DHRSX: variants seen among roughly 807,000 people sequenced by gnomAD.
The protein encoded by DHRSX is dehydrogenase/reductase X-linked.
Under a neutral mutation model 34.0 loss-of-function variants are expected in DHRSX, and 31 were observed. The ratio of observed to expected loss-of-function variants is 0.91; its 90% CI spans 0.69 to 1.23. DHRSX has a LOEUF of 1.23. Ranked by LOEUF, DHRSX falls within the 50% of genes most tolerant of loss-of-function variation. The pLI, the probability that DHRSX is intolerant of heterozygous loss-of-function variation, is 0.00. For missense variants in DHRSX, 414 were observed against 428.1 expected (o/e 0.97, Z 0.29); for synonymous variants, 201 against 183.8 (o/e 1.09, Z -0.76).
chrX:2,454,851 G>A (rs574540573), intron 1 of DHRSX, among the ~76,000 whole-genome samples: 14 of 152,070 alleles, frequency 9.2e-5, no homozygotes, highest in African/African-American at 2.9e-4. Context: ...GGTGGCTCAC[G>A]CCTGTAATCT....
intron 1 of DHRSX, among the ~76,000 whole-genome samples, chrX:2,480,218 T>C (rs958885509): frequency 3.3e-5 from 5 of 151,032 alleles, no homozygotes; most frequent in African/African-American, 9.7e-5. Context: ...TGCAGCAACA[T>C]GGATGGGACT....
chrX:2,487,982 T>C (rs1288019989), intron 1 of DHRSX: 3 of 151,856 alleles, frequency 2.0e-5, no homozygotes, highest in Admixed American at 1.3e-4. Flanking sequence ...AGAATGTTCC[T>C]GCGTTTCTTC....
chrX:2,247,417 G>A (rs1430265051), intron 5 of DHRSX, among the ~76,000 whole-genome samples: 1 of 151,924 alleles, frequency 6.6e-6, no homozygotes, highest in Non-Finnish European at 1.5e-5. Flanking sequence ...CACTTTGGGA[G>A]GCCGAGATGG....
chrX:2,346,150 C>T (rs764308655), intron 3 of DHRSX, among the ~76,000 whole-genome samples: 2 of 152,102 alleles, frequency 1.3e-5, no homozygotes, highest in Non-Finnish European at 2.9e-5. Context: ...AAATTTAACT[C>T]AAATACATGT....
At chrX:2,482,712 T>C (rs1333578175) in intron 1 of DHRSX, among the ~76,000 whole-genome samples, 1 of 152,258 alleles carries the variant, frequency 6.6e-6, no homozygotes, top group African/African-American at 2.4e-5. Context: ...ATTTAAATTC[T>C]AGAAATCCTG....
chrX:2,404,947 G>C (rs2043533234), intron 3 of DHRSX, among the ~76,000 whole-genome samples: 1 of 152,238 alleles, frequency 6.6e-6, no homozygotes, highest in African/African-American at 2.4e-5. Context: ...GATCTGGCCA[G>C]GCTGCTGCCA....
At chrX:2,285,812 G>T (rs772257439) in intron 4 of DHRSX, among the ~76,000 whole-genome samples, 3 of 152,190 alleles carry the variant, frequency 2.0e-5, no homozygotes, top group African/African-American at 7.2e-5. Flanking sequence ...CAACGAAGAA[G>T]AATTCTGATG....
chrX:2,263,403 G>A (rs1018020037), intron 5 of DHRSX, among the ~76,000 whole-genome samples: 1 of 152,070 alleles, frequency 6.6e-6, no homozygotes, highest in Non-Finnish European at 1.5e-5. Context: ...CCAGGAAGCG[G>A]GTTCTCGCCA....
At chrX:2,274,896 A>G (rs2041604665) in intron 4 of DHRSX, among the ~76,000 whole-genome samples, 2 of 152,078 alleles carry the variant, frequency 1.3e-5, no homozygotes, top group South Asian at 2.1e-4. Flanking sequence ...TCCTCTTCCT[A>G]TGTAAGCAGA....
chrX:2,256,550 C>T (rs746613665), intron 5 of DHRSX, among the ~76,000 whole-genome samples: 33 of 152,282 alleles, frequency 2.2e-4, no homozygotes, highest in African/African-American at 7.9e-4. Flanking sequence ...CCCGCCTCGG[C>T]CTCCCAAAGT....
At chrX:2,324,481 T>C (rs2042352478) in intron 3 of DHRSX, among the ~76,000 whole-genome samples, 1 of 152,134 alleles carries the variant, frequency 6.6e-6, no homozygotes, top group African/African-American at 2.4e-5. Flanking sequence ...CCTTGGATTT[T>C]GTGTGCACGT....
In DHRSX at chrX:2,262,708, C is replaced by T. The variant is rs777728819; in HGVS notation, c.596+4032G>A. On this transcript the variant is annotated intron_variant, in intron 5 of 6. Transcript: ENST00000334651. ...CTCACCCGCCCTTCCCTGCACAGCC[C>T]GGTGCTTCTTCAGCTGCCCGGAGAA... Among the ~76,000 whole-genome samples the T allele has an allele frequency of 2.0e-4, 30 of 152,332 alleles. No individual in the cohort carries two copies. The South Asian group carries it at 2.9e-3, about 15-fold the overall frequency.
chrX:2,273,726 A>G (rs2041587688), intron 4 of DHRSX, among the ~76,000 whole-genome samples: 1 of 152,152 alleles, frequency 6.6e-6, no homozygotes, highest in Non-Finnish European at 1.5e-5. Context: ...CAGAACATGC[A>G]GTATTTGGTT....
Position 2,366,440 on chromosome X carries a change from CA to C in DHRSX, c.286+42304del, listed in dbSNP as rs754305983. Among the ~76,000 whole-genome samples, 383 of 129,726 alleles carry C rather than the reference CA, an allele frequency of 3.0e-3. 1 individual carries two copies. Among genetic ancestry groups the C allele is most frequent in the Non-Finnish European group, 4.3e-3 (258 of 60,104 alleles). The allele number at this position is 129,726 out of a possible 152,430, so 85.1% of individuals were successfully genotyped here. On this transcript the variant is annotated intron_variant, in intron 3 of 6. Coordinates refer to ENST00000334651, the MANE Select transcript of DHRSX (RefSeq NM_145177.3). Reference sequence around the variant, plus strand: ...GGGCAACAAGAGCGAAACTCAGTCTCAAAAAAAAAAAGAAAAGAAAAGAAAA... The same window carrying C: ...GGGCAACAAGAGCGAAACTCAGTCTCAAAAAAAAAAGAAAAGAAAAGAAAA...
intron 1 of DHRSX, among the ~76,000 whole-genome samples, chrX:2,428,928 A>G (rs1419441285): frequency 1.3e-5 from 2 of 152,188 alleles, no homozygotes; most frequent in African/African-American, 4.8e-5. Context: ...AGGAGGCTTC[A>G]ACATATAATC....
chrX:2,307,822 A>G (rs2042118460), intron 3 of DHRSX, among the ~76,000 whole-genome samples: 1 of 151,886 alleles, frequency 6.6e-6, no homozygotes, highest in African/African-American at 2.4e-5. Flanking sequence ...AGGAAAAACA[A>G]AAGAGTATGA....
chrX:2,228,874 G>C (rs1011090734), intron 6 of DHRSX, among the ~76,000 whole-genome samples: 2 of 152,126 alleles, frequency 1.3e-5, no homozygotes, highest in African/African-American at 4.8e-5. Context: ...CTTTGCAGAA[G>C]AGACACACAC....
chrX:2,485,034 C>T (rs1277578385), intron 1 of DHRSX, among the ~76,000 whole-genome samples: 1 of 152,188 alleles, frequency 6.6e-6, no homozygotes, highest in Non-Finnish European at 1.5e-5. Flanking sequence ...CAGTTCGAAG[C>T]AGGCAATTCT....
intron 1 of DHRSX, among the ~76,000 whole-genome samples, chrX:2,485,299 A>AG (rs2044860525): frequency 6.6e-6 from 1 of 152,068 alleles, no homozygotes; most frequent in Non-Finnish European, 1.5e-5. Flanking sequence ...CTTAGTTATG[A>AG]GGACTGAAAA....
Sources: gnomAD v4.1 joint callset for allele counts (sites outside exome capture counted in the v4.1 genomes callset) on GRCh38, gnomAD v4.1.1 for gene constraint, MANE v1.5 for transcripts, NCBI Gene and HGNC (gene_info 2026-07-23, HGNC 2026-07-21) for gene names.